Variants in ANKUB1 observed in about 807,000 individuals in gnomAD.
The protein encoded by ANKUB1 is ankyrin repeat and ubiquitin domain containing 1, also known as protein ANKUB1.
A neutral mutation model predicts 49.3 loss-of-function variants in ANKUB1; 42 were observed. The ratio of observed to expected loss-of-function variants is 0.85; its 90% confidence interval spans 0.67 to 1.10. The LOEUF is 1.10. Among genes scored for constraint, ANKUB1 ranks in the 50% least tolerant of loss-of-function variants. The pLI is 0.00. For synonymous variants in ANKUB1, 222 were observed against 231.0 expected (o/e 0.96, Z 0.35); for missense variants, 613 against 642.0 (o/e 0.95, Z 0.49).
At chr3:149,782,471 A>G (rs1717913092) in intron 2 of ANKUB1, among the ~76,000 whole-genome samples, 1 of 152,188 alleles carries the variant, frequency 6.6e-6, no homozygotes, top group African/African-American at 2.4e-5. Context: ...GTATACTTAT[A>G]TCTATAAAGA....
At chr3:149,763,841 C>T (rs965081071) in intron 5 of ANKUB1, 9 of 450,962 alleles carry the variant, frequency 2.0e-5, no homozygotes, top group Admixed American at 1.4e-4. Flanking sequence ...AGCGCTTGAT[C>T]TGTGTTAACT....
At chr3:149,784,697 C>T (rs1005095495) in intron 2 of ANKUB1, among the ~76,000 whole-genome samples, 9 of 152,104 alleles carry the variant, frequency 5.9e-5, no homozygotes, top group African/African-American at 2.2e-4. Flanking sequence ...CTGCTGCTTC[C>T]AACTAAGAAC....
chr3:149,770,139 G>A (rs768860459), intron 4 of ANKUB1, among the ~76,000 whole-genome samples: 10 of 151,938 alleles, frequency 6.6e-5, no homozygotes, highest in African/African-American at 9.7e-5. Context: ...TTACTTTATT[G>A]TAAGAATATG....
Position 149,780,241 on chromosome 3 carries a change from A to C in ANKUB1, c.449T>G (p.Ile150Ser), listed in dbSNP as rs751656851. 6.4e-6 allele frequency: 10 copies of C among 1,551,568 alleles called. No homozygotes were observed. Among genetic ancestry groups the C allele is most frequent in the Middle Eastern group, 3.3e-4 (2 of 5,990 alleles). Residue 150 changes from isoleucine to serine, a missense_variant and splice_region_variant, in exon 3 of 6, where the codon ATT (isoleucine) becomes AGT (serine). Ile to Ser is a moderately radical substitution (Grantham distance 142). Coordinates refer to ENST00000446160, the MANE Select transcript of ANKUB1 (RefSeq NM_001144960.3). ...ATATCAAATATACTGGGCAGTACCA[A>C]TATCAGTCTGGTAGTCCTTGAGGGT... Reference protein sequence around the residue: ...CNTLKDYQTDIGTTLRLDVWD... With the variant: ...CNTLKDYQTDSGTTLRLDVWD...
At chr3:149,770,298 T>G (rs1482676705) in intron 4 of ANKUB1, among the ~76,000 whole-genome samples, 2 of 152,208 alleles carry the variant, frequency 1.3e-5, no homozygotes, top group Non-Finnish European at 2.9e-5. Context: ...CCCTAACCCC[T>G]GCATTGTTCA....
rs1717109882 is a variant in ANKUB1 at position 149,767,682 on chromosome 3, C to T, written c.980G>A (p.Ser327Asn). ...TCCACAAAACTGGCTTTTATGAAGACTGTGACTCTGAGCTCTGAGGATCCA... is the reference window on the plus strand; with the variant it reads ...TCCACAAAACTGGCTTTTATGAAGATTGTGACTCTGAGCTCTGAGGATCCA... ...KQWILRAQSHSLHKSQFCGAR... is the reference protein window; with the variant it reads ...KQWILRAQSHNLHKSQFCGAR... Residue 327 changes from serine (S) to asparagine (N), a missense_variant, in exon 5 of 6, where the codon AGT (serine) becomes AAT (asparagine). By Grantham distance (46) the Ser-to-Asn change is conservative. Transcript: ENST00000446160. 1.9e-6 allele frequency: 3 copies of T among 1,551,690 alleles called. No homozygotes were observed. The highest frequency in any genetic ancestry group is 2.6e-6 in the Non-Finnish European group (3 of 1,146,990).
chr3:149,778,211 C>T (rs949793201), intron 3 of ANKUB1: 1 of 152,494 alleles, frequency 6.6e-6, no homozygotes, highest in Admixed American at 6.5e-5. Flanking sequence ...TCTTTCCTTG[C>T]CTCTCCTCTG....
At chr3:149,781,565 C>T (rs1481527190) in intron 2 of ANKUB1, among the ~76,000 whole-genome samples, 2 of 152,184 alleles carry the variant, frequency 1.3e-5, no homozygotes, top group African/African-American at 2.4e-5. Flanking sequence ...GGGCTCCAAC[C>T]TGTCAATGCT....
At chr3:149,783,193 T>C (rs1383375480) in intron 2 of ANKUB1, 2 of 152,186 alleles carry the variant, frequency 1.3e-5, no homozygotes, top group Non-Finnish European at 2.9e-5. Flanking sequence ...AGTAGGTAGA[T>C]GCCAATTAAT....
intron 2 of ANKUB1, among the ~76,000 whole-genome samples, chr3:149,787,864 T>C (rs1718178375): frequency 6.6e-6 from 1 of 152,186 alleles, no homozygotes; most frequent in Non-Finnish European, 1.5e-5. Context: ...AAGCCAACTA[T>C]TTTGGATTTA....
chr3:149,780,553 T>C, intron 2 of ANKUB1, 98 bp from the exon 3 acceptor site: 2 of 828,034 alleles, frequency 2.4e-6, no homozygotes, highest in Non-Finnish European at 3.9e-6. Flanking sequence ...CTCCACGACA[T>C]GGGTGTTAAT....
chr3:149,779,107 C>T (rs919038385), intron 3 of ANKUB1: 6 of 151,854 alleles, frequency 4.0e-5, no homozygotes, highest in African/African-American at 1.5e-4. Context: ...ATGCTTAAAA[C>T]AAATCTGACA....
intron 5 of ANKUB1, among the ~76,000 whole-genome samples, chr3:149,764,636 C>CTCTCTCTTTCTT (rs1559860554): frequency 4.7e-5 from 3 of 63,560 alleles, no homozygotes; most frequent in Non-Finnish European, 6.5e-5. Flanking sequence ...TCCTCCCTTC[C>CTCTCTCTTTCTT]TCTCTCTTTC....
At chr3:149,773,556 CT>C (rs1186141728) in intron 3 of ANKUB1, among the ~76,000 whole-genome samples, 2 of 152,198 alleles carry the variant, frequency 1.3e-5, no homozygotes, top group African/African-American at 4.8e-5. Context: ...ACGGACCATA[CT>C]TGCTACACTA....
At chr3:149,784,827 C>T (rs987285838) in intron 2 of ANKUB1, among the ~76,000 whole-genome samples, 2 of 152,128 alleles carry the variant, frequency 1.3e-5, no homozygotes, top group South Asian at 4.1e-4. Context: ...ATCTCAGTAC[C>T]TTGCTATGAA....
At position 149,761,301 on chromosome 3, in the gene ANKUB1, A is replaced by T; in HGVS notation, c.*183T>A. 1 of 636,028 alleles carries T rather than the reference A, an allele frequency of 1.6e-6. No individual in the cohort carries two copies. Among genetic ancestry groups the T allele is most frequent in the Non-Finnish European group, 2.4e-6 (1 of 411,372 alleles). The allele number at this position is 636,028 out of a possible 1,614,324, so 39.4% of individuals were successfully genotyped here. On this transcript the variant is annotated 3_prime_UTR_variant, in exon 6 of 6. Coordinates refer to ENST00000446160, the MANE Select transcript of ANKUB1 (RefSeq NM_001144960.3). ...ATATTCTTTATGCAAAAATAGCACT[A>T]AAGTTTCACTTAGTGTGATGAAGTC...
chr3:149,762,100 G>A (rs906481792), intron 5 of ANKUB1, among the ~76,000 whole-genome samples: 7 of 152,116 alleles, frequency 4.6e-5, no homozygotes, highest in African/African-American at 7.2e-5. Context: ...ATTTGAATAC[G>A]ATTACTCTTT....
intron 3 of ANKUB1, among the ~76,000 whole-genome samples, chr3:149,773,126 T>C (rs1370338544): frequency 2.0e-5 from 3 of 152,156 alleles, no homozygotes. Context: ...TCTCCCCCTT[T>C]CAGTTGCCTT....
chr3:149,767,007 G>T, intron 5 of ANKUB1, 150 bp downstream of exon 5: 4 of 995,120 alleles, frequency 4.0e-6, no homozygotes, highest in Non-Finnish European at 5.9e-6. Context: ...TAGTGATGAG[G>T]CTAAGATGAG....
Sources: gnomAD v4.1 joint callset for allele counts (sites outside exome capture counted in the v4.1 genomes callset) on GRCh38, gnomAD v4.1.1 for gene constraint, MANE v1.5 for transcripts, NCBI Gene and HGNC (gene_info 2026-07-23, HGNC 2026-07-21) for gene names.